TMEM108: variants seen among roughly 807,000 people sequenced by gnomAD.
TMEM108 encodes transmembrane protein 108.
TMEM108 carries 12 observed loss-of-function variants against 35.1 expected under a neutral mutation model. The ratio of observed to expected loss-of-function variants is 0.34; its 90% CI spans 0.22 to 0.55. The LOEUF (loss-of-function observed/expected upper bound fraction) is 0.55. Ranked by LOEUF, TMEM108 falls within the 20% of genes least tolerant of loss-of-function variation. The pLI is 0.89. For missense variants in TMEM108, 680 were observed against 753.3 expected, an observed-to-expected ratio of 0.90 and a Z score of 1.14; for synonymous variants, 287 against 308.6, an observed-to-expected ratio of 0.93 and a Z score of 0.73.
chr3:133,369,969 T>A (rs984419760), intron 3 of TMEM108, among the ~76,000 whole-genome samples: 2 of 152,198 alleles, frequency 1.3e-5, no homozygotes, highest in African/African-American at 4.8e-5. Context: ...AAAATATATT[T>A]TTAAAATTTA....
rs552295558 is a variant in TMEM108 at position 133,397,405 on chromosome 3, A to G, written c.*1419A>G. ...CATTTTCCTTAAAAAAAAAAAAAAG[A>G]TGGCCTTCAAAAGTGTGTTCTCAAT... On this transcript the variant is annotated 3_prime_UTR_variant, in exon 6 of 6. Transcript: ENST00000321871. 6.6e-6 allele frequency: 1 copy of G among 150,830 alleles called. No individual in the cohort carries two copies. Among genetic ancestry groups the G allele is most frequent in the South Asian group, 2.1e-4 (1 of 4,768 alleles). The allele number at this position is 150,830 out of a possible 1,614,324, so 9.3% of individuals were successfully genotyped here.
intron 2 of TMEM108, among the ~76,000 whole-genome samples, chr3:133,066,529 A>G (rs114229903): frequency 0.017 from 2,597 of 152,292 alleles, 88 homozygotes; most frequent in African/African-American, 0.059. Flanking sequence ...GCATGGACAC[A>G]TATATGAAGC....
intron 2 of TMEM108, among the ~76,000 whole-genome samples, chr3:133,057,270 C>T (rs1161506926): frequency 6.6e-6 from 1 of 151,974 alleles, no homozygotes; most frequent in Middle Eastern, 3.2e-3. Flanking sequence ...TCTTTCCCTT[C>T]TTACTATTTC....
At chr3:133,314,566 A>T (rs1220280216) in intron 3 of TMEM108, among the ~76,000 whole-genome samples, 1 of 152,236 alleles carries the variant, frequency 6.6e-6, no homozygotes, top group Non-Finnish European at 1.5e-5. Flanking sequence ...TTTTGCCTCT[A>T]AAGTCTAAGT....
rs1397095097 is a variant in TMEM108, at chr3:133,158,120, CAG to C, written c.-46-71143_-46-71142del. On this transcript the variant is annotated intron_variant, in intron 2 of 5. Transcript: ENST00000321871. Reference sequence around the variant, plus strand: ...ATTCAGACAACAACAAACAAAAAAACAGAGTTGGGTTCTGCCCTCCATATTTA... The same window carrying C: ...ATTCAGACAACAACAAACAAAAAAACAGTTGGGTTCTGCCCTCCATATTTA... Among the ~76,000 whole-genome samples, 4 of 152,124 alleles carry C rather than the reference CAG, an allele frequency of 2.6e-5. 1 individual carries two copies. The highest frequency in any genetic ancestry group is 9.6e-5 in the African/African-American group (4 of 41,516).
chr3:133,164,416 G>T (rs897921956), intron 2 of TMEM108, among the ~76,000 whole-genome samples: 1 of 152,208 alleles, frequency 6.6e-6, no homozygotes, highest in Non-Finnish European at 1.5e-5. Context: ...GCTGGACACA[G>T]AATACCCTGT....
intron 2 of TMEM108, among the ~76,000 whole-genome samples, chr3:133,099,348 G>A (rs1458994125): frequency 6.6e-6 from 1 of 152,140 alleles, no homozygotes; most frequent in Non-Finnish European, 1.5e-5. Context: ...TTTTCCTCCT[G>A]GGCTTCCAGG....
intron 2 of TMEM108, among the ~76,000 whole-genome samples, chr3:133,180,938 G>A (rs1373428426): frequency 7.5e-6 from 1 of 132,950 alleles, no homozygotes; most frequent in Non-Finnish European, 1.5e-5. Flanking sequence ...TTTTTAACAA[G>A]CTTTTCACAC....
intron 3 of TMEM108, among the ~76,000 whole-genome samples, chr3:133,335,898 G>T: frequency 6.6e-6 from 1 of 152,206 alleles, no homozygotes; most frequent in Admixed American, 6.5e-5. Context: ...GTTCACTTCA[G>T]TGTGAGAGTG....
Position 133,160,343 on chromosome 3 carries a change from G to T in TMEM108, c.-46-68923G>T, listed in dbSNP as rs77837914. 7.2e-3 allele frequency among the ~76,000 whole-genome samples: 1,097 copies of T among 152,316 alleles called. 14 individuals carry two copies. Among genetic ancestry groups the T allele is most frequent in the African/African-American group, 0.025 (1,045 of 41,554 alleles). ...TGTGAGACTGTGAGAACATGTGTGT[G>T]TTCCCAGACCTCAACATAGGCACAC... On this transcript the variant is annotated intron_variant, in intron 2 of 5. Coordinates refer to ENST00000321871, the MANE Select transcript of TMEM108 (RefSeq NM_023943.4).
intron 2 of TMEM108, among the ~76,000 whole-genome samples, chr3:133,047,171 T>C (rs749915253): frequency 6.6e-6 from 1 of 152,198 alleles, no homozygotes; most frequent in East Asian, 1.9e-4. Flanking sequence ...AGCAGCCCGA[T>C]GCAGACTATA....
At chr3:133,307,840 CG>C (rs1277939238) in intron 3 of TMEM108, among the ~76,000 whole-genome samples, 2 of 151,938 alleles carry the variant, frequency 1.3e-5, no homozygotes, top group Non-Finnish European at 2.9e-5. Context: ...ATTGTCTTGG[CG>C]GGCCCTTTTT....
chr3:133,285,910 C>G (rs186867529), intron 3 of TMEM108, among the ~76,000 whole-genome samples: 208 of 152,270 alleles, frequency 1.4e-3, no homozygotes, highest in African/African-American at 4.9e-3. Context: ...TGTATTATAA[C>G]TGGCATTGCT....
intron 2 of TMEM108, among the ~76,000 whole-genome samples, chr3:133,209,247 T>C (rs915051753): frequency 6.6e-6 from 1 of 151,934 alleles, no homozygotes; most frequent in Non-Finnish European, 1.5e-5. Flanking sequence ...TTTGCTATTT[T>C]GCCAAGCTGG....
At chr3:133,332,147 G>T (rs999666618) in intron 3 of TMEM108, among the ~76,000 whole-genome samples, 7 of 152,082 alleles carry the variant, frequency 4.6e-5, no homozygotes, top group African/African-American at 1.7e-4. Context: ...TTAGCTTAAG[G>T]ACCTCACCCC....
At chr3:133,249,027 C>T (rs1337825508) in intron 3 of TMEM108, among the ~76,000 whole-genome samples, 2 of 152,162 alleles carry the variant, frequency 1.3e-5, no homozygotes, top group Non-Finnish European at 2.9e-5. Context: ...TGGTGGGCCT[C>T]CTCCTCATCC....
At chr3:133,173,162 A>G (rs1945155729) in intron 2 of TMEM108, among the ~76,000 whole-genome samples, 1 of 152,254 alleles carries the variant, frequency 6.6e-6, no homozygotes, top group Non-Finnish European at 1.5e-5. Flanking sequence ...AGAAGGCAGC[A>G]AGAACTTTGA....
intron 3 of TMEM108, among the ~76,000 whole-genome samples, chr3:133,366,462 C>T (rs1175427299): frequency 6.6e-6 from 1 of 152,214 alleles, no homozygotes; most frequent in East Asian, 1.9e-4. Flanking sequence ...TCCAGGAAGC[C>T]TTCCCAGGTT....
intron 2 of TMEM108, among the ~76,000 whole-genome samples, chr3:133,192,520 G>A (rs1576373017): frequency 2.6e-5 from 4 of 152,258 alleles, no homozygotes; most frequent in Admixed American, 1.3e-4. Flanking sequence ...CAGAGGAGGA[G>A]ACAGAATAAT....
Sources: gnomAD v4.1 joint callset for allele counts (sites outside exome capture counted in the v4.1 genomes callset) on GRCh38, gnomAD v4.1.1 for gene constraint, MANE v1.5 for transcripts, NCBI Gene and HGNC (gene_info 2026-07-23, HGNC 2026-07-21) for gene names.